TMEM117: variants seen among roughly 807,000 people sequenced by gnomAD.
TMEM117 encodes the protein transmembrane protein 117.
Under a neutral mutation model 52.4 loss-of-function variants are expected in TMEM117, and 27 were observed. That is an observed-to-expected ratio of 0.51 (90% CI 0.38 to 0.71). The LOEUF (loss-of-function observed/expected upper bound fraction) is 0.71. TMEM117 is among the 30% of genes least tolerant of loss of function. The pLI is 0.00. For synonymous variants in TMEM117, 215 were observed against 206.3 expected (o/e 1.04, Z -0.36); for missense variants, 556 against 630.5 (o/e 0.88, Z 1.26).
chr12:44,050,258 C>T (rs1014402024), intron 3 of TMEM117, among the ~76,000 whole-genome samples: 3 of 152,228 alleles, frequency 2.0e-5, no homozygotes, highest in Non-Finnish European at 4.4e-5. Context: ...CTCACTGCAA[C>T]CTCTGCCTCC....
chr12:44,226,055 A>G (rs1245446820), intron 5 of TMEM117, among the ~76,000 whole-genome samples: 1 of 152,224 alleles, frequency 6.6e-6, no homozygotes, highest in Admixed American at 6.6e-5. Flanking sequence ...TGCAGCTTAT[A>G]GACTCTACAT....
At chr12:44,244,428 C>T (rs1297920930) in intron 5 of TMEM117, 1 of 151,714 alleles carries the variant, frequency 6.6e-6, no homozygotes, top group Non-Finnish European at 1.5e-5. Flanking sequence ...ATTTTCTCCA[C>T]CCATAATCCA....
intron 2 of TMEM117, among the ~76,000 whole-genome samples, chr12:43,939,010 A>AT (rs1053198615): frequency 9.9e-5 from 15 of 151,982 alleles, no homozygotes; most frequent in African/African-American, 2.7e-4. Context: ...AAAATAAAAA[A>AT]AAAAATAAAA....
rs564398962 is a variant in TMEM117, at chr12:44,015,374, C to A, written c.410+71032C>A. Among the ~76,000 whole-genome samples the A allele has an allele frequency of 8.5e-5, 13 of 152,060 alleles. No individual in the cohort carries two copies. In the East Asian group the frequency reaches 2.3e-3, roughly 27 times the overall value. ...ATCAGTGATTTTTGAATATATATAT[C>A]TATAATATACTCAAATAAGATTTCT... On this transcript the variant is annotated intron_variant, in intron 3 of 7. Coordinates refer to ENST00000266534, the MANE Select transcript of TMEM117 (RefSeq NM_032256.3).
At chr12:44,180,787 A>G (rs577236233) in intron 4 of TMEM117, among the ~76,000 whole-genome samples, 191 of 152,106 alleles carry the variant, frequency 1.3e-3, no homozygotes, top group African/African-American at 4.2e-3. Context: ...AGTCTTTGCT[A>G]TCGTGAATAA....
intron 3 of TMEM117, among the ~76,000 whole-genome samples, chr12:44,128,767 A>G (rs1948368105): frequency 6.6e-6 from 1 of 152,226 alleles, no homozygotes; most frequent in Non-Finnish European, 1.5e-5. Flanking sequence ...CTGATTGTGT[A>G]GAAATATCTG....
chr12:44,249,459 AT>A (rs778676270), intron 5 of TMEM117, among the ~76,000 whole-genome samples: 7 of 152,190 alleles, frequency 4.6e-5, no homozygotes, highest in Non-Finnish European at 1.0e-4. Flanking sequence ...CCAAACTACC[AT>A]TGAAATTCTT....
At chr12:44,153,262 C>T (rs1304299287) in intron 4 of TMEM117, among the ~76,000 whole-genome samples, 1 of 151,972 alleles carries the variant, frequency 6.6e-6, no homozygotes. Flanking sequence ...GTATGAATGG[C>T]AGAACTTGGA....
At chr12:44,030,229 GT>G in intron 3 of TMEM117, among the ~76,000 whole-genome samples, 1 of 152,346 alleles carries the variant, frequency 6.6e-6, no homozygotes, top group East Asian at 1.9e-4. Flanking sequence ...AAGTTATGCA[GT>G]TTCGATATTA....
intron 3 of TMEM117, among the ~76,000 whole-genome samples, chr12:44,007,225 A>T (rs1311558811): frequency 6.6e-6 from 1 of 152,196 alleles, no homozygotes; most frequent in Non-Finnish European, 1.5e-5. Context: ...TATTTTGAAC[A>T]GATTGTCAGA....
At chr12:44,384,049 C>T (rs1167920707) in intron 7 of TMEM117, among the ~76,000 whole-genome samples, 1 of 152,070 alleles carries the variant, frequency 6.6e-6, no homozygotes, top group East Asian at 1.9e-4. Context: ...GACAAGAACA[C>T]AGGGGTTGGG....
chr12:43,984,979 G>A (rs1253130534), intron 3 of TMEM117, among the ~76,000 whole-genome samples: 1 of 151,880 alleles, frequency 6.6e-6, no homozygotes, highest in Non-Finnish European at 1.5e-5. Flanking sequence ...CTGTGTGATG[G>A]CTTTATTTGC....
At chr12:44,179,759 C>A (rs1196084275) in intron 4 of TMEM117, among the ~76,000 whole-genome samples, 1 of 152,188 alleles carries the variant, frequency 6.6e-6, no homozygotes, top group East Asian at 1.9e-4. Flanking sequence ...CAAGTTGACA[C>A]CTAATGTTAA....
At chr12:44,119,639 G>A (rs141185179) in intron 3 of TMEM117, among the ~76,000 whole-genome samples, 11 of 152,248 alleles carry the variant, frequency 7.2e-5, no homozygotes, top group South Asian at 2.1e-4. Flanking sequence ...ACCCCAGATC[G>A]TCTTCCTGAC....
At chr12:44,235,262 G>A (rs1214065225) in intron 5 of TMEM117, among the ~76,000 whole-genome samples, 3 of 151,084 alleles carry the variant, frequency 2.0e-5, no homozygotes, top group Admixed American at 6.6e-5. Flanking sequence ...TTCTTTTGTT[G>A]TCATGGGTAT....
chr12:44,282,957 G>C lies in TMEM117; in HGVS notation c.609-16623G>C, dbSNP rs898187947. Among the ~76,000 whole-genome samples, 5 of 152,242 alleles carry C rather than the reference G, an allele frequency of 3.3e-5. No homozygotes were observed. In the South Asian group the frequency reaches 6.2e-4, roughly 19 times the overall value. On this transcript the variant is annotated intron_variant, in intron 5 of 7. Coordinates refer to ENST00000266534, the MANE Select transcript of TMEM117 (RefSeq NM_032256.3). ...CCTGTGACCCAGCCACTCCAGCCAT[G>C]GCTGAAAGAGGCCAATGTCCAGCTC... is the stretch of plus-strand genomic sequence containing the variant.
At chr12:44,036,807 G>T (rs541704436) in intron 3 of TMEM117, among the ~76,000 whole-genome samples, 5 of 152,062 alleles carry the variant, frequency 3.3e-5, no homozygotes, top group African/African-American at 7.2e-5. Flanking sequence ...GATTATCCAG[G>T]TTGGTTGTAC....
At chr12:44,079,868 A>T (rs1015426857) in intron 3 of TMEM117, among the ~76,000 whole-genome samples, 2 of 151,920 alleles carry the variant, frequency 1.3e-5, no homozygotes, top group Non-Finnish European at 2.9e-5. Flanking sequence ...ATAAAAAAAA[A>T]TTAGCTAGGC....
intron 3 of TMEM117, among the ~76,000 whole-genome samples, chr12:44,045,917 A>G (rs1946874649): frequency 6.6e-6 from 1 of 152,212 alleles, no homozygotes; most frequent in Non-Finnish European, 1.5e-5. Flanking sequence ...AGCTGGATTG[A>G]TAGAACAGTG....
Sources: allele counts gnomAD v4.1 joint callset (sites outside exome capture counted in the v4.1 genomes callset), GRCh38; gene constraint gnomAD v4.1.1; transcripts MANE v1.5; gene names NCBI Gene and HGNC (gene_info 2026-07-23, HGNC 2026-07-21).